Variants in BCL2 observed in about 807,000 individuals in gnomAD.
BCL2 encodes the protein BCL2 apoptosis regulator.
In BCL2, 1 loss-of-function variant was observed where a neutral mutation model predicts 14.2. The ratio of observed to expected loss-of-function variants is 0.07; its 90% CI spans 0.02 to 0.33. BCL2 has a LOEUF of 0.33. Among genes scored for constraint, BCL2 ranks in the 10% least tolerant of loss-of-function variants. The pLI is 0.99. For missense variants in BCL2, 247 were observed against 305.9 expected (o/e 0.81, Z 1.44); for synonymous variants, 151 against 137.2 (o/e 1.10, Z -0.70).
At chr18:63,259,576 G>T (rs4987744) in intron 2 of BCL2, among the ~76,000 whole-genome samples, 1 of 152,318 alleles carries the variant, frequency 6.6e-6, no homozygotes. Context: ...AGGGGAAACC[G>T]TTTGCTTTTA....
chr18:63,169,218 TGC>T (rs1315278992), intron 2 of BCL2, among the ~76,000 whole-genome samples: 3 of 152,076 alleles, frequency 2.0e-5, no homozygotes, highest in African/African-American at 7.2e-5. Flanking sequence ...CTAAGTTAAA[TGC>T]AGACAGAATA....
At chr18:63,305,664 T>C (rs1182614969) in intron 2 of BCL2, among the ~76,000 whole-genome samples, 4 of 152,188 alleles carry the variant, frequency 2.6e-5, no homozygotes, top group Non-Finnish European at 4.4e-5. Flanking sequence ...TTGAATTCTT[T>C]CCTCAAATAT....
chr18:63,235,006 A>G (rs768326020), intron 2 of BCL2, among the ~76,000 whole-genome samples: 2 of 152,210 alleles, frequency 1.3e-5, no homozygotes, highest in African/African-American at 2.4e-5. Context: ...GAACCAATAG[A>G]AAAACGGGCC....
intron 2 of BCL2, among the ~76,000 whole-genome samples, chr18:63,224,516 G>A (rs543917394): frequency 1.3e-5 from 2 of 152,166 alleles, no homozygotes; most frequent in African/African-American, 4.8e-5. Context: ...CAAACTTCTG[G>A]GGAAAACTGT....
chr18:63,312,310 G>C (rs1235964016), intron 2 of BCL2, among the ~76,000 whole-genome samples: 2 of 152,216 alleles, frequency 1.3e-5, no homozygotes, highest in African/African-American at 4.8e-5. Flanking sequence ...GCACCTATGA[G>C]AAAGTCCCAT....
intron 2 of BCL2, among the ~76,000 whole-genome samples, chr18:63,306,790 A>G (rs1416217101): frequency 6.6e-6 from 1 of 151,454 alleles, no homozygotes; most frequent in Non-Finnish European, 1.5e-5. Context: ...CTTTGAATAC[A>G]GCCCAACACA....
intron 2 of BCL2, among the ~76,000 whole-genome samples, chr18:63,137,434 G>A (rs1914237166): frequency 6.6e-6 from 1 of 152,232 alleles, no homozygotes; most frequent in Non-Finnish European, 1.5e-5. Flanking sequence ...TGTTTGTGGA[G>A]CTGAAACAAA....
intron 2 of BCL2, among the ~76,000 whole-genome samples, chr18:63,176,162 G>T (rs1915344168): frequency 6.6e-6 from 1 of 152,236 alleles, no homozygotes; most frequent in South Asian, 2.1e-4. Context: ...AGCATGGGGA[G>T]CAATGGCAGG....
intron 2 of BCL2, among the ~76,000 whole-genome samples, chr18:63,171,094 T>C (rs1915210488): frequency 6.6e-6 from 1 of 152,246 alleles, no homozygotes; most frequent in African/African-American, 2.4e-5. Context: ...TATTCTGAAT[T>C]CAAAGTGAAC....
chr18:63,308,892 A>G (rs773102794), intron 2 of BCL2, among the ~76,000 whole-genome samples: 43 of 152,302 alleles, frequency 2.8e-4, no homozygotes, highest in African/African-American at 1.0e-3. Context: ...GTGTGTGCCT[A>G]TTACCTACTA....
At chr18:63,316,069 T>C (rs1210677764) in intron 2 of BCL2, 5 of 152,634 alleles carry the variant, frequency 3.3e-5, no homozygotes. Context: ...TCTACATTTA[T>C]CAACCTCAGA....
At chr18:63,217,137 A>G (rs1910228603) in intron 2 of BCL2, among the ~76,000 whole-genome samples, 1 of 152,230 alleles carries the variant, frequency 6.6e-6, no homozygotes. Flanking sequence ...TATGTTCTCT[A>G]GCATTCCTGA....
rs142822972 is a variant in BCL2 at position 63,177,675 on chromosome 18, C to G, written c.586-48916G>C. 3.4e-4 allele frequency among the ~76,000 whole-genome samples: 52 copies of G among 152,348 alleles called. No individual in the cohort carries two copies. The East Asian group carries it at 7.9e-3, about 23-fold the overall frequency. Reference sequence around the variant, plus strand: ...TAGATCAGTATTTGTTGATGAGTAACAAAGTTATTCTGGCAAATTGGACTT... The same window carrying G: ...TAGATCAGTATTTGTTGATGAGTAAGAAAGTTATTCTGGCAAATTGGACTT... On this transcript the variant is annotated intron_variant, in intron 2 of 2. Coordinates refer to ENST00000333681, the MANE Select transcript of BCL2 (RefSeq NM_000633.3).
intron 2 of BCL2, among the ~76,000 whole-genome samples, chr18:63,300,679 T>C (rs570972289): frequency 1.6e-4 from 25 of 152,266 alleles, no homozygotes; most frequent in South Asian, 8.3e-4. Context: ...CTACAGAAAA[T>C]AACTCTGTCT....
intron 2 of BCL2, among the ~76,000 whole-genome samples, chr18:63,141,733 T>C (rs1914368139): frequency 6.6e-6 from 1 of 152,208 alleles, no homozygotes; most frequent in East Asian, 1.9e-4. Context: ...CACATGTGGC[T>C]CTCCTCCCCA....
chr18:63,147,998 C>A (rs1914556037), intron 2 of BCL2, among the ~76,000 whole-genome samples: 2 of 152,084 alleles, frequency 1.3e-5, no homozygotes, highest in South Asian at 4.1e-4. Context: ...CATGCCCGAC[C>A]CCTCCCTGCT....
Position 63,180,808 on chromosome 18 carries a change from T to C in BCL2, c.586-52049A>G, listed in dbSNP as rs1599228906. Among the ~76,000 whole-genome samples the C allele has an allele frequency of 2.0e-5, 3 of 152,312 alleles. 1 individual carries two copies. The East Asian group carries it at 5.8e-4, about 29-fold the overall frequency. On this transcript the variant is annotated intron_variant, in intron 2 of 2. Coordinates refer to ENST00000333681, the MANE Select transcript of BCL2 (RefSeq NM_000633.3). The stretch of plus-strand genomic sequence containing the variant: ...CCCGGGCCTCTCAGGGCTCCTACGG[T>C]AGCTGCTCCTATGGGCAGACACATC...
rs538236115 is a variant in BCL2 at position 63,201,187 on chromosome 18, C to T, written c.586-72428G>A. Reference sequence around the variant, plus strand: ...CTCTTAACCGCAGGCTGAATTGTCCCTACCAAGCTATCTGCACCTTGAGCA... The same window carrying T: ...CTCTTAACCGCAGGCTGAATTGTCCTTACCAAGCTATCTGCACCTTGAGCA... On this transcript the variant is annotated intron_variant, in intron 2 of 2. Transcript: ENST00000333681. Among the ~76,000 whole-genome samples the T allele has an allele frequency of 2.6e-5, 4 of 152,308 alleles. No homozygotes were observed. In the South Asian group the frequency reaches 6.2e-4, roughly 24 times the overall value.
chr18:63,259,393 G>A (rs576733752), intron 2 of BCL2, among the ~76,000 whole-genome samples: 36 of 152,118 alleles, frequency 2.4e-4, no homozygotes, highest in African/African-American at 7.5e-4. Context: ...ATTTGTACCC[G>A]GCTCCCCATG....
Sources: gnomAD v4.1 joint callset for allele counts (sites outside exome capture counted in the v4.1 genomes callset) on GRCh38, gnomAD v4.1.1 for gene constraint, MANE v1.5 for transcripts, NCBI Gene and HGNC (gene_info 2026-07-23, HGNC 2026-07-21) for gene names.